SNX24: variants seen among roughly 807,000 people sequenced by gnomAD.
The protein encoded by SNX24 is sorting nexin-24.
Under a neutral mutation model 28.7 loss-of-function variants are expected in SNX24, and 22 were observed. That is an observed-to-expected ratio of 0.77 (90% CI 0.55 to 1.10). The LOEUF (loss-of-function observed/expected upper bound fraction) is 1.10. Among genes scored for constraint, SNX24 ranks in the 50% least tolerant of loss-of-function variants. The probability of loss-of-function intolerance (pLI) is 0.00; values close to 1 mark genes in which losing one functional copy is unlikely to be tolerated. For missense variants in SNX24, 221 were observed against 201.1 expected (o/e 1.10, Z -0.60); for synonymous variants, 69 against 71.5 (o/e 0.96, Z 0.18).
chr5:123,002,068 G>A (rs761612031), intron 6 of SNX24, 64 bp downstream of exon 6: 8 of 1,272,856 alleles, frequency 6.3e-6, no homozygotes, highest in African/African-American at 1.5e-5. Flanking sequence ...CATAAACCAC[G>A]TTTTTAATAC....
chr5:122,951,937 C>T (rs1053903387), intron 3 of SNX24, among the ~76,000 whole-genome samples: 2 of 152,228 alleles, frequency 1.3e-5, no homozygotes, highest in South Asian at 2.1e-4. Flanking sequence ...TTGAGTGTTC[C>T]TCATCCGGAA....
intron 1 of SNX24, among the ~76,000 whole-genome samples, chr5:122,910,549 T>G (rs1757835596): frequency 6.6e-6 from 1 of 151,266 alleles, no homozygotes; most frequent in Non-Finnish European, 1.5e-5. Flanking sequence ...ACATGTGCCA[T>G]GCTGGTGTGC....
downstream of SNX24, among the ~76,000 whole-genome samples, chr5:123,009,441 G>A (rs530671308): frequency 3.9e-5 from 6 of 152,260 alleles, no homozygotes; most frequent in Admixed American, 3.9e-4. Flanking sequence ...AAAAAACCAA[G>A]TATCTATAGT....
intron 1 of SNX24, among the ~76,000 whole-genome samples, chr5:122,866,760 T>C (rs1755738819): frequency 6.6e-6 from 1 of 152,180 alleles, no homozygotes; most frequent in African/African-American, 2.4e-5. Context: ...AGCCAGTACA[T>C]AGCAGAGCAA....
intron 1 of SNX24, among the ~76,000 whole-genome samples, chr5:122,900,679 G>T (rs1396452560): frequency 6.6e-6 from 1 of 152,088 alleles, no homozygotes. Context: ...TGAGGCGGGA[G>T]GATTGCTTCA....
chr5:123,027,529 C>T (rs900422009), intron 5 of SNX24, among the ~76,000 whole-genome samples: 3 of 152,162 alleles, frequency 2.0e-5, no homozygotes, highest in Admixed American at 2.0e-4. Context: ...ATGAGATCCA[C>T]GAGCGTCCTC....
downstream of SNX24, among the ~76,000 whole-genome samples, chr5:123,013,313 A>G (rs557414498): frequency 6.6e-6 from 1 of 152,344 alleles, no homozygotes; most frequent in South Asian, 2.1e-4. Flanking sequence ...GGGTTTTTCC[A>G]TCTTAATGAA....
chr5:122,919,067 A>G (rs1022828159), intron 1 of SNX24, among the ~76,000 whole-genome samples: 1 of 152,242 alleles, frequency 6.6e-6, no homozygotes, highest in Non-Finnish European at 1.5e-5. Context: ...GCCTTTAATA[A>G]TTACATTTAG....
At chr5:122,948,815 C>A (rs1759807621) in intron 3 of SNX24, among the ~76,000 whole-genome samples, 1 of 152,150 alleles carries the variant, frequency 6.6e-6, no homozygotes, top group Non-Finnish European at 1.5e-5. Flanking sequence ...GTATGGGCTC[C>A]TTTCTTCATG....
At chr5:122,988,575 A>G (rs1022357705) in intron 3 of SNX24, among the ~76,000 whole-genome samples, 1 of 152,186 alleles carries the variant, frequency 6.6e-6, no homozygotes, top group African/African-American at 2.4e-5. Context: ...TTTTTCCACC[A>G]GCCAATGCTA....
intron 1 of SNX24, among the ~76,000 whole-genome samples, chr5:122,925,161 C>A (rs1758629729): frequency 1.7e-5 from 2 of 115,444 alleles, no homozygotes; most frequent in African/African-American, 6.8e-5. Flanking sequence ...CTCCCATCCC[C>A]TCCCATCCCC....
chr5:122,933,143 G>A (rs962827095), intron 1 of SNX24, among the ~76,000 whole-genome samples: 1 of 152,224 alleles, frequency 6.6e-6, no homozygotes, highest in Non-Finnish European at 1.5e-5. Context: ...GCTTTGAAGT[G>A]TTGTTAAACT....
Position 122,984,749 on chromosome 5 carries a change from A to G in SNX24, c.250-15163A>G, listed in dbSNP as rs562350289. ...TAGTGAGTAGCTATTTTCCTCTATT[A>G]GAAATGAAGACGTAGTGGACTGTGT... On this transcript the variant is annotated intron_variant, in intron 3 of 6. Coordinates refer to ENST00000261369, the MANE Select transcript of SNX24 (RefSeq NM_014035.4). 4.6e-5 allele frequency among the ~76,000 whole-genome samples: 7 copies of G among 152,366 alleles called. No homozygotes were observed. The East Asian group carries it at 1.3e-3, about 29-fold the overall frequency.
chr5:122,925,623 A>G (rs1045397838), intron 1 of SNX24, among the ~76,000 whole-genome samples: 1 of 151,858 alleles, frequency 6.6e-6, no homozygotes, highest in African/African-American at 2.4e-5. Flanking sequence ...ACTATTTACA[A>G]CTTCCTTTCT....
intron 1 of SNX24, among the ~76,000 whole-genome samples, chr5:122,925,509 C>T (rs1283681204): frequency 1.3e-5 from 2 of 151,920 alleles, no homozygotes; most frequent in Non-Finnish European, 2.9e-5. Flanking sequence ...AGTGATCCTC[C>T]TGCTTTGGCC....
At chr5:122,890,471 A>ATTTTT (rs1161406947) in intron 1 of SNX24, among the ~76,000 whole-genome samples, 1 of 138,914 alleles carries the variant, frequency 7.2e-6, no homozygotes, top group Non-Finnish European at 1.5e-5. Flanking sequence ...TTTAGAGGGG[A>ATTTTT]TTTTTTTTTT....
At chr5:122,954,541 CATTTGTTTAT>C (rs1230800612) in intron 3 of SNX24, among the ~76,000 whole-genome samples, 3 of 151,402 alleles carry the variant, frequency 2.0e-5, no homozygotes, top group African/African-American at 7.3e-5. Flanking sequence ...ATTGTTCCCC[CATTTGTTTAT>C]ATTTGTTTTT....
intron 1 of SNX24, among the ~76,000 whole-genome samples, chr5:122,931,057 T>G (rs2150111680): frequency 6.6e-6 from 1 of 152,336 alleles, no homozygotes; most frequent in East Asian, 1.9e-4. Context: ...TAGAGAATTG[T>G]TTTTTGAAGT....
rs370296526 is a variant in SNX24, at chr5:122,960,387, T to C, written c.249+14228T>C. Reference sequence around the variant, plus strand: ...TAGCACTAAACTACAAAATTTTTAGTCCCTAAACTATTTTGTGAACCACAT... The same window carrying C: ...TAGCACTAAACTACAAAATTTTTAGCCCCTAAACTATTTTGTGAACCACAT... On this transcript the variant is annotated intron_variant, in intron 3 of 6. Transcript: ENST00000261369. 1.2e-3 allele frequency among the ~76,000 whole-genome samples: 179 copies of C among 152,292 alleles called. 2 individuals carry two copies. Among genetic ancestry groups the C allele is most frequent in the African/African-American group, 4.3e-3 (178 of 41,556 alleles).
Sources: allele counts gnomAD v4.1 joint callset (sites outside exome capture counted in the v4.1 genomes callset), GRCh38; gene constraint gnomAD v4.1.1; transcripts MANE v1.5; gene names NCBI Gene and HGNC (gene_info 2026-07-23, HGNC 2026-07-21).